ZNF516: variants seen among roughly 807,000 people sequenced by gnomAD.
The protein encoded by ZNF516 is zinc finger protein 516.
ZNF516 carries 19 observed loss-of-function variants against 79.7 expected under a neutral mutation model. The observed-to-expected ratio is 0.24, with a 90% CI of 0.17 to 0.35. The LOEUF is 0.35. ZNF516 is among the 10% of genes least tolerant of loss of function. The pLI, the probability that ZNF516 is intolerant of heterozygous loss-of-function variation, is 1.00. For missense variants in ZNF516, 1,678 were observed against 1,679.5 expected (o/e 1.00, Z 0.02); for synonymous variants, 877 against 739.5 (o/e 1.19, Z -3.02).
chr18:76,380,256 C>T lies in ZNF516; in HGVS notation c.1858G>A (p.Glu620Lys), dbSNP rs766678432. The change falls in exon 4 of 7, where the codon GAG (glutamate) becomes AAG (lysine). Residue 620 changes from glutamate (E) to lysine (K), a missense_variant. Coordinates refer to ENST00000443185, the MANE Select transcript of ZNF516 (RefSeq NM_014643.4). ...CCFSEEVTST[E>K]LSSGDQSHKM... ...TGACTCTGGTCTCCACTGGAGAGCTCGGTCGAAGTCACCTCTTCGGAAAAG... is the reference window on the plus strand; with the variant it reads ...TGACTCTGGTCTCCACTGGAGAGCTTGGTCGAAGTCACCTCTTCGGAAAAG... 6.8e-6 allele frequency: 11 copies of T among 1,613,852 alleles called. No individual in the cohort carries two copies. Among genetic ancestry groups the T allele is most frequent in the Admixed American group, 3.3e-5 (2 of 60,016 alleles).
At chr18:76,367,655 C>G (rs1568229488) in intron 6 of ZNF516, among the ~76,000 whole-genome samples, 1 of 152,196 alleles carries the variant, frequency 6.6e-6, no homozygotes, top group South Asian at 2.1e-4. Flanking sequence ...CCTCCAGCCT[C>G]AATGACAGGG....
intron 2 of ZNF516, among the ~76,000 whole-genome samples, chr18:76,452,414 A>T (rs910854877): frequency 6.6e-6 from 1 of 152,174 alleles, no homozygotes; most frequent in Non-Finnish European, 1.5e-5. Flanking sequence ...CTAGTCCCCA[A>T]ATGTAAGGAA....
intron 2 of ZNF516, among the ~76,000 whole-genome samples, chr18:76,446,137 T>A (rs1912036299): frequency 6.6e-6 from 1 of 152,148 alleles, no homozygotes; most frequent in Non-Finnish European, 1.5e-5. Context: ...CGCCCTCAAC[T>A]CGTCCCCTCC....
At chr18:76,384,046 G>T (rs917578955) in intron 3 of ZNF516, among the ~76,000 whole-genome samples, 39 of 152,180 alleles carry the variant, frequency 2.6e-4, no homozygotes, top group Non-Finnish European at 4.1e-4. Context: ...CGGCCCAAGG[G>T]GACCACGACA....
At chr18:76,378,638 C>T (rs1218218297) in intron 4 of ZNF516, among the ~76,000 whole-genome samples, 1 of 152,210 alleles carries the variant, frequency 6.6e-6, no homozygotes, top group Non-Finnish European at 1.5e-5. Flanking sequence ...GGCAGGCATT[C>T]CCCGGCAGGG....
In ZNF516 at chr18:76,493,108, T is replaced by TG. The variant is rs1568337439; in HGVS notation, c.-272+2035_-272+2036insC. 4.1e-6 allele frequency: 4 copies of TG among 983,394 alleles called. No individual in the cohort carries two copies. The highest frequency in any genetic ancestry group is 4.8e-6 in the Non-Finnish European group (4 of 829,022). The allele number at this position is 983,394 out of a possible 1,614,324, so 60.9% of individuals were successfully genotyped here. A position where few individuals can be genotyped will look rare whatever the true frequency, so the allele number is the denominator to read the frequency against. On this transcript the variant is annotated intron_variant, in intron 1 of 6. Transcript: ENST00000443185. This position sits in a 1 kb window ranked among gnomAD's most constrained non-coding sequence, Gnocchi z 5.2. ...GCAAAGCTGTTTCCTTTTTTTTTTT[T>TG]CCTCCTCTCCTCCCTACCGTTTCAT...
intron 1 of ZNF516, among the ~76,000 whole-genome samples, chr18:76,486,097 T>C (rs1914817889): frequency 6.6e-6 from 1 of 152,136 alleles, no homozygotes; most frequent in Non-Finnish European, 1.5e-5. Flanking sequence ...TCACTCAGCA[T>C]TGAATGGCAA....
intron 1 of ZNF516, among the ~76,000 whole-genome samples, chr18:76,487,770 T>TGG (rs34864223): frequency 0.47 from 70,869 of 151,806 alleles, 18,067 homozygotes; most frequent in East Asian, 0.63. Context: ...CCAAACTCAC[T>TGG]GGTTCCTGGG....
chr18:76,463,984 C>T (rs551131019), intron 1 of ZNF516, among the ~76,000 whole-genome samples: 13 of 152,216 alleles, frequency 8.5e-5, no homozygotes, highest in Middle Eastern at 3.4e-3. Context: ...CATCACTTCC[C>T]GTTCTTTACG....
chr18:76,373,161 A>G (rs984273821), intron 4 of ZNF516, among the ~76,000 whole-genome samples: 10 of 152,054 alleles, frequency 6.6e-5, no homozygotes, highest in Non-Finnish European at 1.3e-4. Context: ...AATGAAAGAA[A>G]GAAAAGAAAG....
chr18:76,475,424 G>C (rs1914118095), intron 1 of ZNF516, among the ~76,000 whole-genome samples: 1 of 152,184 alleles, frequency 6.6e-6, no homozygotes, highest in Non-Finnish European at 1.5e-5. Context: ...CTTTATCTTT[G>C]TTGGTAAATT....
At chr18:76,371,658 G>A (rs1432849210) in intron 4 of ZNF516, 87 bp from the exon 5 acceptor site, 32 of 1,026,750 alleles carry the variant, frequency 3.1e-5, no homozygotes, top group Non-Finnish European at 4.5e-5. Flanking sequence ...GGAAGCGAGA[G>A]GAAAACATCA....
chr18:76,458,611 G>A (rs537845360), intron 2 of ZNF516, among the ~76,000 whole-genome samples: 3 of 152,060 alleles, frequency 2.0e-5, no homozygotes, highest in East Asian at 3.9e-4. Context: ...TGTGGGCAAC[G>A]CCAGGCCTCA....
Position 76,410,725 on chromosome 18 carries a change from C to G in ZNF516, c.1811-30422G>C, listed in dbSNP as rs371605429. Among the ~76,000 whole-genome samples, 179 of 152,306 alleles carry G rather than the reference C, an allele frequency of 1.2e-3. 1 individual carries two copies. The highest frequency in any genetic ancestry group is 4.2e-3 in the African/African-American group (176 of 41,570). ...CACTTGTGGGAGACTTGAGAGTCGG[C>G]TGGAGGAGAAAAAGAGAAATTTTAC... On this transcript the variant is annotated intron_variant, in intron 3 of 6. Transcript: ENST00000443185.
At chr18:76,425,127 ACACCAGGTTCCAGAACCTTCTACAT>A (rs1234777751) in intron 3 of ZNF516, among the ~76,000 whole-genome samples, 1 of 152,182 alleles carries the variant, frequency 6.6e-6, no homozygotes, top group African/African-American at 2.4e-5. Flanking sequence ...TCTCGGAGCC[ACACCAGGTTCCAGAACCTTCTACAT>A]CAATTATACA....
At chr18:76,438,310 T>A (rs2075771463) in intron 3 of ZNF516, among the ~76,000 whole-genome samples, 1 of 152,248 alleles carries the variant, frequency 6.6e-6, no homozygotes, top group South Asian at 2.1e-4. Flanking sequence ...TGCAAAGCAA[T>A]ATTCGTTTTT....
chr18:76,383,371 C>G (rs2074925706), intron 3 of ZNF516, among the ~76,000 whole-genome samples: 1 of 151,682 alleles, frequency 6.6e-6, no homozygotes, highest in Non-Finnish European at 1.5e-5. Flanking sequence ...CCAGGACCCT[C>G]TTCTCCACCA....
intron 1 of ZNF516, among the ~76,000 whole-genome samples, chr18:76,490,432 A>G (rs1216387408): frequency 1.3e-5 from 2 of 152,256 alleles, no homozygotes; most frequent in Non-Finnish European, 2.9e-5. Flanking sequence ...ACAAATGATA[A>G]AATGAGCTCT....
At chr18:76,494,278 T>C in intron 1 of ZNF516, among the ~76,000 whole-genome samples, 1 of 152,288 alleles carries the variant, frequency 6.6e-6, no homozygotes, top group South Asian at 2.1e-4. Flanking sequence ...TCCCTGGAAA[T>C]GGCAGCGGAG....
Sources: allele counts gnomAD v4.1 joint callset (sites outside exome capture counted in the v4.1 genomes callset), GRCh38; gene constraint gnomAD v4.1.1; non-coding constraint Gnocchi (gnomAD v3.1); transcripts MANE v1.5; gene names NCBI Gene and HGNC (gene_info 2026-07-23, HGNC 2026-07-21).